Variants in FTH1 observed in about 807,000 individuals in gnomAD.
The protein encoded by FTH1 is ferritin heavy chain.
Under a neutral mutation model 21.8 loss-of-function variants are expected in FTH1, and 3 were observed. The ratio of observed to expected loss-of-function variants is 0.14; its 90% CI spans 0.06 to 0.36. FTH1 has a LOEUF of 0.36. Ranked by LOEUF, FTH1 falls within the 10% of genes least tolerant of loss-of-function variation. The pLI is 1.00. For synonymous variants in FTH1, 83 were observed against 90.1 expected (o/e 0.92, Z 0.45); for missense variants, 147 against 225.8 (o/e 0.65, Z 2.24).
In FTH1 at chr11:61,967,379, T is replaced by G. The variant is rs765340386; in HGVS notation, c.47A>C (p.Asp16Ala). ...CTGGCGGTTGATGGCGGCCTCTGAG[T>G]CCTGGTGGTAGTTCTGGCGCACCTG... ...TSQVRQNYHQDSEAAINRQIN... is the reference protein window; with the variant it reads ...TSQVRQNYHQASEAAINRQIN... Residue 16 changes from aspartate to alanine, a missense_variant, in exon 1 of 4, where the codon GAC becomes GCC. By Grantham distance (126) the Asp-to-Ala change is moderately radical. Coordinates refer to ENST00000273550, the MANE Select transcript of FTH1 (RefSeq NM_002032.3). The G allele has an allele frequency of 6.2e-7, 1 of 1,606,968 alleles. No homozygotes were observed. Among genetic ancestry groups the G allele is most frequent in the Non-Finnish European group, 8.5e-7 (1 of 1,177,148 alleles).
In FTH1 at chr11:61,964,828, C is replaced by T. The variant is rs1261446808; in HGVS notation, c.451G>A (p.Asp151Asn). Residue 151 changes from aspartate (D) to asparagine (N), a missense_variant, in exon 4 of 4, where the codon GAC becomes AAC. Transcript: ENST00000273550. ...EQVKAIKELG[D>N]HVTNLRKMGA... Reference sequence around the variant, plus strand: ...ATCTTGCGCAAGTTGGTCACGTGGTCACCCAATTCTTTGATGGCTTTCACC... The same window carrying T: ...ATCTTGCGCAAGTTGGTCACGTGGTTACCCAATTCTTTGATGGCTTTCACC... 3.7e-6 allele frequency: 6 copies of T among 1,601,020 alleles called. No homozygotes were observed. Among genetic ancestry groups the T allele is most frequent in the Non-Finnish European group, 5.1e-6 (6 of 1,179,952 alleles).
In FTH1 at chr11:61,964,684, C is replaced by G; in HGVS notation, c.*43G>C. 4 of 1,594,702 alleles carry G rather than the reference C, an allele frequency of 2.5e-6. No homozygotes were observed. The highest frequency in any genetic ancestry group is 3.4e-6 in the Non-Finnish European group (4 of 1,177,228). The stretch of plus-strand genomic sequence containing the variant: ...CAACATGCATGCACTGCCTTGGTGA[C>G]CAGGGAAGTCACCCCACGGCTATGG... On this transcript the variant is annotated 3_prime_UTR_variant, in exon 4 of 4. Transcript: ENST00000273550.
Position 61,967,390 on chromosome 11 carries a change from G to C in FTH1, c.36C>G (p.Asn12Lys), listed in dbSNP as rs758594792. The change falls in exon 1 of 4, where the codon AAC (asparagine) becomes AAG (lysine). Residue 12 changes from asparagine (N) to lysine (K), a missense_variant. By Grantham distance (94) the Asn-to-Lys change is moderately conservative. Coordinates refer to ENST00000273550, the MANE Select transcript of FTH1 (RefSeq NM_002032.3). ...TGGCGGCCTCTGAGTCCTGGTGGTA[G>C]TTCTGGCGCACCTGCGAGGTGGACG... ...TTASTSQVRQNYHQDSEAAIN... is the reference protein window; with the variant it reads ...TTASTSQVRQKYHQDSEAAIN... 7.5e-6 allele frequency: 12 copies of C among 1,606,124 alleles called. No homozygotes were observed. The highest frequency in any genetic ancestry group is 1.3e-5 in the African/African-American group (1 of 74,620).
chr11:61,966,128 G>C (rs2019413), intron 1 of FTH1, among the ~76,000 whole-genome samples: 24,941 of 152,038 alleles, frequency 0.16, 2,704 homozygotes, highest in Middle Eastern at 0.3. Flanking sequence ...AAAAAAAATA[G>C]CTGGGCGTGG....
intron 1 of FTH1, among the ~76,000 whole-genome samples, chr11:61,965,771 G>A (rs1942441887): frequency 1.3e-5 from 2 of 152,166 alleles, no homozygotes; most frequent in Non-Finnish European, 1.5e-5. Context: ...AGGATATTAT[G>A]GGCATTGCCT....
chr11:61,967,492 C>T lies in FTH1; in HGVS notation c.-67G>A. 1 of 1,100,732 alleles carries T rather than the reference C, an allele frequency of 9.1e-7. No homozygotes were observed. The highest frequency in any genetic ancestry group is 2.6e-5 in the East Asian group (1 of 38,958). 68.2% of individuals were successfully genotyped at this position (1,100,732 alleles called of 1,614,324 possible). A position where few individuals can be genotyped will look rare whatever the true frequency, so the allele number is the denominator to read the frequency against. On this transcript the variant is annotated 5_prime_UTR_variant, in exon 1 of 4. Coordinates refer to ENST00000273550, the MANE Select transcript of FTH1 (RefSeq NM_002032.3). ...GCGGCGCTGGAGCGGCGGCGGGGGC[C>T]TTGGGGCAGTCCGAGGGTGCGGTGA...
chr11:61,964,575 AT>A lies in FTH1; in HGVS notation c.*151del. ...CTCAAAGACAACACCTGGGTACCAAATTTCTTTATTTGAAGGAATGGTACAA... is the reference window on the plus strand; with the variant it reads ...CTCAAAGACAACACCTGGGTACCAAATTCTTTATTTGAAGGAATGGTACAA... On this transcript the variant is annotated 3_prime_UTR_variant, in exon 4 of 4. Coordinates refer to ENST00000273550, the MANE Select transcript of FTH1 (RefSeq NM_002032.3). The A allele has an allele frequency of 1.1e-6, 1 of 897,348 alleles. No homozygotes were observed. Among genetic ancestry groups the A allele is most frequent in the South Asian group, 1.5e-5 (1 of 67,102 alleles). The allele number at this position is 897,348 out of a possible 1,614,324, so 55.6% of individuals were successfully genotyped here.
intron 1 of FTH1, among the ~76,000 whole-genome samples, chr11:61,966,066 A>C (rs548873461): frequency 1.3e-5 from 2 of 152,320 alleles, no homozygotes; most frequent in Admixed American, 1.3e-4. Flanking sequence ...CGAGGTCAGC[A>C]GATCGAGACC....
Position 61,965,453 on chromosome 11 carries a change from T to C in FTH1, c.177A>G (p.Gln59=), listed in dbSNP as rs751425119. The C allele has an allele frequency of 3.9e-5, 63 of 1,611,176 alleles. No homozygotes were observed. Among genetic ancestry groups the C allele is most frequent in the East Asian group, 4.5e-5 (2 of 44,892 alleles). ...CAGCATGTTCCCTCTCCTCATGAGA[T>C]TGGTGAAGAAAGTATTTGGCAAAGT... is the stretch of plus-strand genomic sequence containing the variant. ...LKNFAKYFLH[Q]SHEEREHAEK... is the part of the protein sequence containing the mutation. Residue 59 remains glutamine (Q), a synonymous_variant, in exon 2 of 4, where the codon CAA becomes CAG. Transcript: ENST00000273550.
In FTH1 at chr11:61,966,228, C is replaced by G. The variant is rs186432937; in HGVS notation, c.115-713G>C. Among the ~76,000 whole-genome samples the G allele has an allele frequency of 2.9e-3, 440 of 152,278 alleles. 1 individual carries two copies. Among genetic ancestry groups the G allele is most frequent in the African/African-American group, 0.01 (423 of 41,548 alleles). On this transcript the variant is annotated intron_variant, in intron 1 of 3. Coordinates refer to ENST00000273550, the MANE Select transcript of FTH1 (RefSeq NM_002032.3). ...GGCGGAGGCTGCAGTGAGCCGAGAT[C>G]GCGCCACTGCACTCCAGCCTGGGCG... is the stretch of plus-strand genomic sequence containing the variant.
chr11:61,965,183 C>T, intron 2 of FTH1, 71 bp from the exon 3 acceptor site: 1 of 1,601,032 alleles, frequency 6.2e-7, no homozygotes. Flanking sequence ...TCTCTAACCA[C>T]CACGTTTTGG....
chr11:61,964,505 G>A lies in FTH1; in HGVS notation c.*222C>T, dbSNP rs17156609. 0.07 allele frequency: 44,517 copies of A among 635,558 alleles called. 4,417 individuals are homozygous for A. The highest frequency in any genetic ancestry group is 0.33 in the South Asian group (17,175 of 51,434). 39.4% of individuals were successfully genotyped at this position (635,558 alleles called of 1,614,324 possible). A position where few individuals can be genotyped will look rare whatever the true frequency, so the allele number is the denominator to read the frequency against. ...TTAGAACTGAACAACGGCACTTAAG[G>A]AATCTGGAAGATAGCCTGGATAGAT... On this transcript the variant is annotated 3_prime_UTR_variant, in exon 4 of 4. Coordinates refer to ENST00000273550, the MANE Select transcript of FTH1 (RefSeq NM_002032.3).
intron 1 of FTH1, among the ~76,000 whole-genome samples, chr11:61,966,265 CTCTG>C (rs1293128310): frequency 6.6e-6 from 1 of 152,154 alleles, no homozygotes; most frequent in Non-Finnish European, 1.5e-5. Flanking sequence ...CAGAGCGAGA[CTCTG>C]TCTCTCACAC....
In FTH1 at chr11:61,967,508, G is replaced by A. The variant is rs760015461; in HGVS notation, c.-83C>T. 5.4e-5 allele frequency: 52 copies of A among 965,360 alleles called. No homozygotes were observed. The highest frequency in any genetic ancestry group is 7.5e-5 in the Non-Finnish European group (47 of 628,562). 59.8% of individuals were successfully genotyped at this position (965,360 alleles called of 1,614,324 possible). On this transcript the variant is annotated 5_prime_UTR_variant, in exon 1 of 4. Coordinates refer to ENST00000273550, the MANE Select transcript of FTH1 (RefSeq NM_002032.3). Reference sequence around the variant, plus strand: ...GGCGGGGGCCTTGGGGCAGTCCGAGGGTGCGGTGAAGAGGTGACGGAGGGC... The same window carrying A: ...GGCGGGGGCCTTGGGGCAGTCCGAGAGTGCGGTGAAGAGGTGACGGAGGGC...
Position 61,964,558 on chromosome 11 carries a change from C to G in FTH1, c.*169G>C, listed in dbSNP as rs1274893074. 8 of 793,474 alleles carry G rather than the reference C, an allele frequency of 1.0e-5. No individual in the cohort carries two copies. In the Admixed American group the frequency reaches 1.6e-4, roughly 16 times the overall value. The allele number at this position is 793,474 out of a possible 1,614,324, so 49.2% of individuals were successfully genotyped here. ...CTGATTCATCCCAAGACCTCAAAGA[C>G]AACACCTGGGTACCAAATTTCTTTA... is the stretch of plus-strand genomic sequence containing the variant. On this transcript the variant is annotated 3_prime_UTR_variant, in exon 4 of 4. Coordinates refer to ENST00000273550, the MANE Select transcript of FTH1 (RefSeq NM_002032.3).
chr11:61,965,210 AT>A lies in FTH1; in HGVS notation c.262-99del. ...ACGTTTTGGCAAAAGGGACATTACT[AT>A]TTGCCTAATTTAGTTTAGATGGTAA... On this transcript the variant is annotated intron_variant, in intron 2 of 3. Coordinates refer to ENST00000273550, the MANE Select transcript of FTH1 (RefSeq NM_002032.3). 3 of 1,590,794 alleles carry A rather than the reference AT, an allele frequency of 1.9e-6. No individual in the cohort carries two copies. The Middle Eastern group carries it at 5.0e-4, about 263-fold the overall frequency.
At chr11:61,967,086 C>G in intron 1 of FTH1, 1 of 359,556 alleles carries the variant, frequency 2.8e-6, no homozygotes, top group Admixed American at 5.1e-5. Flanking sequence ...TGTGCAGAGG[C>G]GGCCCTGGCC....
chr11:61,965,618 T>C (rs1554965439), intron 1 of FTH1, 103 bp from the exon 2 acceptor site: 2 of 1,280,244 alleles, frequency 1.6e-6, no homozygotes, highest in Non-Finnish European at 2.2e-6. Context: ...TAGGCTTCCT[T>C]TCTCAAAGCA....
intron 1 of FTH1, 74 bp from the exon 2 acceptor site, chr11:61,965,589 C>T (rs750344819): frequency 3.2e-6 from 5 of 1,538,720 alleles, no homozygotes; most frequent in Non-Finnish European, 3.6e-6. Context: ...TACAGGGAGG[C>T]AAGATGGTCT....
Sources: allele counts gnomAD v4.1 joint callset (sites outside exome capture counted in the v4.1 genomes callset), GRCh38; gene constraint gnomAD v4.1.1; transcripts MANE v1.5; gene names NCBI Gene and HGNC (gene_info 2026-07-23, HGNC 2026-07-21).